Variants in PODXL observed in about 807,000 individuals in gnomAD.
The protein encoded by PODXL is podocalyxin like.
A neutral mutation model predicts 48.9 loss-of-function variants in PODXL; 20 were observed. That is an observed-to-expected ratio of 0.41 (90% CI 0.29 to 0.59). The LOEUF (loss-of-function observed/expected upper bound fraction) is 0.59. Among genes scored for constraint, PODXL ranks in the 20% least tolerant of loss-of-function variants. The pLI is 0.31. For synonymous variants in PODXL, 295 were observed against 287.4 expected (o/e 1.03, Z -0.27); for missense variants, 606 against 675.1 (o/e 0.90, Z 1.13).
At chr7:131,516,534 C>A (rs1021261015) in intron 1 of PODXL, among the ~76,000 whole-genome samples, 1 of 151,986 alleles carries the variant, frequency 6.6e-6, no homozygotes, top group Non-Finnish European at 1.5e-5. Flanking sequence ...AAAAAAAAGT[C>A]TTGGAGAAAC....
intron 1 of PODXL, among the ~76,000 whole-genome samples, chr7:131,527,601 A>C (rs1798207840): frequency 6.6e-6 from 1 of 152,202 alleles, no homozygotes; most frequent in African/African-American, 2.4e-5. Flanking sequence ...TGCAGGTGGA[A>C]GCCTGACTCG....
At chr7:131,523,898 A>G (rs1798133009) in intron 1 of PODXL, among the ~76,000 whole-genome samples, 1 of 150,744 alleles carries the variant, frequency 6.6e-6, no homozygotes, top group South Asian at 2.1e-4. Context: ...TCCCGGGTTC[A>G]AGCAATTCTC....
intron 8 of PODXL, among the ~76,000 whole-genome samples, chr7:131,504,739 A>C (rs1797770779): frequency 6.6e-6 from 1 of 152,088 alleles, no homozygotes; most frequent in South Asian, 2.1e-4. Flanking sequence ...AGAACCTGTG[A>C]AGTTAGTGGA....
chr7:131,515,096 A>C (rs568690781), intron 1 of PODXL, among the ~76,000 whole-genome samples: 1 of 152,142 alleles, frequency 6.6e-6, no homozygotes, highest in Admixed American at 6.5e-5. Flanking sequence ...GCCCCTTTCC[A>C]GTTGTAACCA....
chr7:131,543,194 C>A (rs1368705095), intron 1 of PODXL, among the ~76,000 whole-genome samples: 2 of 152,178 alleles, frequency 1.3e-5, no homozygotes, highest in Non-Finnish European at 2.9e-5. Context: ...ACAATCATAG[C>A]TCACTACAGC....
At chr7:131,504,635 G>A in intron 8 of PODXL, 127 bp from the exon 9 acceptor site, 2 of 764,888 alleles carry the variant, frequency 2.6e-6, no homozygotes, top group East Asian at 2.5e-5. Context: ...TTGCTCGCCT[G>A]TGGGGCTGGC....
rs576880896 is a variant in PODXL at position 131,540,501 on chromosome 7, C to A, written c.100+15759G>T. ...CCCATCACACTGGGTCTGCACCGACCCGCACCCTTCGCACCGACCCTCACC... is the reference window on the plus strand; with the variant it reads ...CCCATCACACTGGGTCTGCACCGACACGCACCCTTCGCACCGACCCTCACC... On this transcript the variant is annotated intron_variant, in intron 1 of 8. Transcript: ENST00000378555. Among the ~76,000 whole-genome samples, 437 of 152,082 alleles carry A rather than the reference C, an allele frequency of 2.9e-3. 3 individuals carry two copies. Among genetic ancestry groups the A allele is most frequent in the African/African-American group, 1.0e-2 (413 of 41,478 alleles).
chr7:131,505,621 AAATAAT>A (rs920541826), intron 8 of PODXL, among the ~76,000 whole-genome samples: 14 of 152,174 alleles, frequency 9.2e-5, no homozygotes, highest in African/African-American at 2.4e-4. Flanking sequence ...TGTCTGAAAA[AAATAAT>A]AATAATAAAA....
chr7:131,517,730 C>G (rs765134929), intron 1 of PODXL, among the ~76,000 whole-genome samples: 1 of 149,690 alleles, frequency 6.7e-6, no homozygotes, highest in African/African-American at 2.4e-5. Flanking sequence ...AACACAAGAC[C>G]TTCCTCCTTG....
intron 1 of PODXL, among the ~76,000 whole-genome samples, chr7:131,516,967 A>G (rs1017763469): frequency 6.6e-6 from 1 of 151,716 alleles, no homozygotes; most frequent in Non-Finnish European, 1.5e-5. Flanking sequence ...TGATCCTTCT[A>G]CCTCAGCCTC....
At chr7:131,546,250 G>A (rs931479343) in intron 1 of PODXL, among the ~76,000 whole-genome samples, 21 of 152,162 alleles carry the variant, frequency 1.4e-4, no homozygotes, top group African/African-American at 5.1e-4. Context: ...AAAGTGAAAG[G>A]GAGACTGGGA....
chr7:131,552,978 G>A (rs1798690949), intron 1 of PODXL, among the ~76,000 whole-genome samples: 1 of 152,142 alleles, frequency 6.6e-6, no homozygotes, highest in Admixed American at 6.6e-5. Context: ...TTTTAGTACA[G>A]TCTTACTAGG....
At position 131,524,379 on chromosome 7, in the gene PODXL, C is replaced by CACACAGAGAGAGAGAGAG. The variant is rs746255906; in HGVS notation, c.101-12947_101-12946insCTCTCTCTCTCTCTGTGT. ...ACACACACGCACACACACACACACACAGAGAGAGAGAGAGAGAGAGAGAGA... is the reference window on the plus strand; with the variant it reads ...ACACACACGCACACACACACACACACACACAGAGAGAGAGAGAGAGAGAGAGAGAGAGAGAGAGAGAGA... On this transcript the variant is annotated intron_variant, in intron 1 of 8. Coordinates refer to ENST00000378555, the MANE Select transcript of PODXL (RefSeq NM_001018111.3). 3.8e-3 allele frequency among the ~76,000 whole-genome samples: 391 copies of CACACAGAGAGAGAGAGAG among 104,062 alleles called. 2 individuals are homozygous for CACACAGAGAGAGAGAGAG. The highest frequency in any genetic ancestry group is 6.0e-3 in the Non-Finnish European group (268 of 44,396). The allele number at this position is 104,062 out of a possible 152,430, so 68.3% of individuals were successfully genotyped here. A position where few individuals can be genotyped will look rare whatever the true frequency, so the allele number is the denominator to read the frequency against.
intron 1 of PODXL, among the ~76,000 whole-genome samples, chr7:131,541,320 G>C (rs1798477607): frequency 6.6e-6 from 1 of 151,276 alleles, no homozygotes; most frequent in South Asian, 2.1e-4. Context: ...AGTGGAGCCT[G>C]TATCTTTTGG....
rs1797907836 is a variant in PODXL, at chr7:131,511,196, G to A, written c.338C>T (p.Ser113Leu). The A allele has an allele frequency of 1.2e-6, 2 of 1,614,062 alleles. No individual in the cohort carries two copies. Among genetic ancestry groups the A allele is most frequent in the Non-Finnish European group, 1.7e-6 (2 of 1,180,012 alleles). ...CTCGATGGTGGTAGTAGGGTTGCCTGAGCCGCCTCCTCTAGCCACGGTAGT... is the reference window on the plus strand; with the variant it reads ...CTCGATGGTGGTAGTAGGGTTGCCTAAGCCGCCTCCTCTAGCCACGGTAGT... ...VNTTVARGGG[S>L]GNPTTTIESP... The change falls in exon 2 of 9, where the codon TCA (serine) becomes TTA (leucine). Residue 113 changes from serine (S) to leucine (L), a missense_variant. Ser to Leu is a moderately radical substitution (Grantham distance 145). Transcript: ENST00000378555.
At chr7:131,529,313 C>T (rs886780288) in intron 1 of PODXL, among the ~76,000 whole-genome samples, 1 of 152,060 alleles carries the variant, frequency 6.6e-6, no homozygotes, top group Non-Finnish European at 1.5e-5. Context: ...TGCCAGCTCC[C>T]CCGGGGGCCA....
At chr7:131,556,147 T>C (rs1476437668) in intron 1 of PODXL, 113 bp downstream of exon 1, 12 of 1,301,244 alleles carry the variant, frequency 9.2e-6, no homozygotes, top group African/African-American at 4.7e-5. Context: ...CCGGCGGTGA[T>C]AGGGCTGCTC....
chr7:131,556,204 G>A, intron 1 of PODXL, 56 bp downstream of exon 1: 8 of 1,396,584 alleles, frequency 5.7e-6, no homozygotes, highest in East Asian at 3.0e-5. Flanking sequence ...GCTCGGCCGG[G>A]CAGGGGGCAC....
rs755834216 is a variant in PODXL, at chr7:131,511,081, T to C, written c.453A>G (p.Gly151=). The C allele has an allele frequency of 3.7e-6, 6 of 1,614,060 alleles. No individual in the cohort carries two copies. The South Asian group carries it at 6.6e-5, about 18-fold the overall frequency. ...CCCCAGAGTTTGTTGTATCTTCTGCTCCATTCTGGCTGCTTGTGGTGTTAG... is the reference window on the plus strand; with the variant it reads ...CCCCAGAGTTTGTTGTATCTTCTGCCCCATTCTGGCTGCTTGTGGTGTTAG... ...AKPNTTSSQN[G]AEDTTNSGGK... Residue 151 remains glycine (G), a synonymous_variant, in exon 2 of 9, where the codon GGA becomes GGG. Transcript: ENST00000378555.
Sources: gnomAD v4.1 joint callset for allele counts (sites outside exome capture counted in the v4.1 genomes callset) on GRCh38, gnomAD v4.1.1 for gene constraint, MANE v1.5 for transcripts, NCBI Gene and HGNC (gene_info 2026-07-23, HGNC 2026-07-21) for gene names.